Variants in SAMD4A observed in about 807,000 individuals in gnomAD.
SAMD4A encodes sterile alpha motif domain containing 4A.
Under a neutral mutation model 81.3 loss-of-function variants are expected in SAMD4A, and 33 were observed. That is an observed-to-expected ratio of 0.41 (90% CI 0.31 to 0.54). The LOEUF (loss-of-function observed/expected upper bound fraction) is 0.54, where lower values mean the gene tolerates loss of function less well. Ranked by LOEUF, SAMD4A falls within the 20% of genes least tolerant of loss-of-function variation. The probability of loss-of-function intolerance (pLI) is 0.37; values close to 1 mark genes in which losing one functional copy is unlikely to be tolerated. For missense variants in SAMD4A, 854 were observed against 951.1 expected, an observed-to-expected ratio of 0.90 and a Z score of 1.34; for synonymous variants, 389 against 382.1, an observed-to-expected ratio of 1.02 and a Z score of -0.21.
intron 2 of SAMD4A, among the ~76,000 whole-genome samples, chr14:54,691,733 G>A (rs1403213415): frequency 6.6e-6 from 1 of 152,212 alleles, no homozygotes; most frequent in African/African-American, 2.4e-5. Flanking sequence ...GAAGGGAGGT[G>A]TGCCTCTAGC....
At chr14:54,759,097 T>A (rs970774161) in intron 6 of SAMD4A, among the ~76,000 whole-genome samples, 1 of 152,164 alleles carries the variant, frequency 6.6e-6, no homozygotes, top group African/African-American at 2.4e-5. Context: ...GCCCAGTATA[T>A]CAAACTATAT....
At chr14:54,612,191 T>G (rs532494422) in intron 2 of SAMD4A, among the ~76,000 whole-genome samples, 2 of 152,144 alleles carry the variant, frequency 1.3e-5, no homozygotes, top group South Asian at 2.1e-4. Context: ...GGAGAAAAAG[T>G]TTTTTTTCAA....
At chr14:54,592,613 C>A (rs1247872114) in intron 2 of SAMD4A, among the ~76,000 whole-genome samples, 1 of 152,162 alleles carries the variant, frequency 6.6e-6, no homozygotes, top group Non-Finnish European at 1.5e-5. Context: ...GTGGCCGCTA[C>A]CACGCCTGGC....
chr14:54,745,185 C>G (rs1169637834), intron 4 of SAMD4A, among the ~76,000 whole-genome samples: 1 of 152,244 alleles, frequency 6.6e-6, no homozygotes. Flanking sequence ...TTCTAGCACA[C>G]TCATCTGATT....
chr14:54,623,313 C>T (rs2034662727), intron 2 of SAMD4A, among the ~76,000 whole-genome samples: 1 of 152,018 alleles, frequency 6.6e-6, no homozygotes, highest in Non-Finnish European at 1.5e-5. Flanking sequence ...CTCAATAGGG[C>T]CTCAGTGTAA....
intron 2 of SAMD4A, among the ~76,000 whole-genome samples, chr14:54,628,602 T>C (rs1444953377): frequency 6.6e-6 from 1 of 152,140 alleles, no homozygotes; most frequent in Non-Finnish European, 1.5e-5. Context: ...ATGGTGATAA[T>C]CATATCAACA....
chr14:54,619,960 CT>C (rs938553545), intron 2 of SAMD4A, among the ~76,000 whole-genome samples: 15 of 150,932 alleles, frequency 9.9e-5, no homozygotes, highest in South Asian at 2.1e-4. Flanking sequence ...ACTTGAAAGA[CT>C]TTTTTTTTCT....
At chr14:54,693,602 G>C (rs1272678853) in intron 2 of SAMD4A, 1 of 152,246 alleles carries the variant, frequency 6.6e-6, no homozygotes, top group Non-Finnish European at 1.5e-5. Context: ...AGGAAGGCTT[G>C]AGGCTAAGAG....
chr14:54,568,403 T>A (rs1474545322), intron 2 of SAMD4A, among the ~76,000 whole-genome samples: 1 of 151,934 alleles, frequency 6.6e-6, no homozygotes, highest in East Asian at 1.9e-4. Context: ...TCATGCAGTT[T>A]CCTGGGAAAT....
At chr14:54,706,728 G>T (rs1044149882) in intron 3 of SAMD4A, among the ~76,000 whole-genome samples, 1 of 152,040 alleles carries the variant, frequency 6.6e-6, no homozygotes, top group Non-Finnish European at 1.5e-5. Flanking sequence ...GGGGCCCCTG[G>T]GTAGGAATAC....
chr14:54,761,387 G>A (rs544248224), intron 7 of SAMD4A, among the ~76,000 whole-genome samples: 5 of 152,256 alleles, frequency 3.3e-5, no homozygotes, highest in South Asian at 2.1e-4. Context: ...GGTTCTCTCC[G>A]CTGTGAGGTG....
intron 3 of SAMD4A, among the ~76,000 whole-genome samples, chr14:54,720,329 C>A (rs995292196): frequency 6.6e-6 from 1 of 152,182 alleles, no homozygotes; most frequent in South Asian, 2.1e-4. Flanking sequence ...AGTTTTTTCT[C>A]TTCTGTTTGT....
chr14:54,631,449 C>T (rs954644049), intron 2 of SAMD4A, among the ~76,000 whole-genome samples: 22 of 152,162 alleles, frequency 1.4e-4, no homozygotes, highest in African/African-American at 5.3e-4. Context: ...GAAGAACATT[C>T]TCAGGGTCTT....
chr14:54,568,688 AGCATAT>A, intron 2 of SAMD4A, among the ~76,000 whole-genome samples: 1 of 103,920 alleles, frequency 9.6e-6, no homozygotes, highest in Non-Finnish European at 1.9e-5. Context: ...TGACATTTGC[AGCATAT>A]ATATATATAT....
chr14:54,735,649 C>T (rs1234941380), intron 3 of SAMD4A, among the ~76,000 whole-genome samples: 1 of 152,232 alleles, frequency 6.6e-6, no homozygotes, highest in African/African-American at 2.4e-5. Flanking sequence ...AGCTGCCTGG[C>T]AGCAGCTTAC....
At chr14:54,748,991 A>G in intron 5 of SAMD4A, 67 bp downstream of exon 5, 2 of 1,166,974 alleles carry the variant, frequency 1.7e-6, no homozygotes, top group Non-Finnish European at 2.5e-6. Flanking sequence ...CAAGGCCTGG[A>G]CAACCTTGTT....
intron 9 of SAMD4A, among the ~76,000 whole-genome samples, chr14:54,772,912 A>G (rs1325105332): frequency 1.3e-5 from 2 of 152,144 alleles, no homozygotes; most frequent in African/African-American, 4.8e-5. Context: ...TGTGAAACTT[A>G]TTCTACCCCT....
At chr14:54,659,483 T>G (rs2035592988) in intron 2 of SAMD4A, among the ~76,000 whole-genome samples, 1 of 152,224 alleles carries the variant, frequency 6.6e-6, no homozygotes, top group South Asian at 2.1e-4. Flanking sequence ...GTTTTTGGTT[T>G]CTGAGGGATT....
At chr14:54,588,288 G>A (rs983694911) in intron 2 of SAMD4A, among the ~76,000 whole-genome samples, 10 of 151,456 alleles carry the variant, frequency 6.6e-5, no homozygotes, top group South Asian at 2.1e-4. Flanking sequence ...GGTTAATCTC[G>A]CTAATGGTCT....
Sources: gnomAD v4.1 joint callset for allele counts (sites outside exome capture counted in the v4.1 genomes callset) on GRCh38, gnomAD v4.1.1 for gene constraint, MANE v1.5 for transcripts, NCBI Gene and HGNC (gene_info 2026-07-23, HGNC 2026-07-21) for gene names.